PPP6R3: variants seen among roughly 807,000 people sequenced by gnomAD.
The protein encoded by PPP6R3 is serine/threonine-protein phosphatase 6 regulatory subunit 3.
Under a neutral mutation model 110.7 loss-of-function variants are expected in PPP6R3, and 38 were observed. That is an observed-to-expected ratio of 0.34 (90% confidence interval 0.26 to 0.45). The LOEUF (loss-of-function observed/expected upper bound fraction) is 0.45, where lower values mean the gene tolerates loss of function less well. PPP6R3 is among the 20% of genes least tolerant of loss of function. The probability of loss-of-function intolerance (pLI) is 1.00; values close to 1 mark genes in which losing one functional copy is unlikely to be tolerated. For synonymous variants in PPP6R3, 369 were observed against 373.5 expected (o/e 0.99, Z 0.14); for missense variants, 870 against 1,062.4 (o/e 0.82, Z 2.52).
chr11:68,612,947 A>C, intron 23 of PPP6R3, 119 bp from the exon 24 acceptor site: 2 of 1,517,986 alleles, frequency 1.3e-6, no homozygotes, highest in South Asian at 1.3e-5. Flanking sequence ...TTAAAAACTT[A>C]CTAAGTTCAA....
chr11:68,505,702 GAAC>G (rs2099072371), intron 1 of PPP6R3, among the ~76,000 whole-genome samples: 1 of 152,144 alleles, frequency 6.6e-6, no homozygotes, highest in South Asian at 2.1e-4. Context: ...GAGTGGGGTG[GAAC>G]AACAACAAAA....
rs1025579880 is a variant in PPP6R3 at position 68,519,125 on chromosome 11, A to C, written c.-157-376A>C. ...GGGCATTTAAAGGAAGGAAATTGTAAAATTTTAGTATTTTTTAGTAAAAGT... is the reference window on the plus strand; with the variant it reads ...GGGCATTTAAAGGAAGGAAATTGTACAATTTTAGTATTTTTTAGTAAAAGT... On this transcript the variant is annotated intron_variant, in intron 1 of 23. Coordinates refer to ENST00000393800, the MANE Select transcript of PPP6R3 (RefSeq NM_001164161.2). Among the ~76,000 whole-genome samples the C allele has an allele frequency of 1.2e-4, 18 of 152,310 alleles. No individual in the cohort carries two copies. The South Asian group carries it at 3.7e-3, about 32-fold the overall frequency.
intron 8 of PPP6R3, among the ~76,000 whole-genome samples, chr11:68,561,562 A>G (rs1327381537): frequency 6.6e-6 from 1 of 152,242 alleles, no homozygotes; most frequent in Non-Finnish European, 1.5e-5. Context: ...GATAATATAT[A>G]TCATAACAAA....
intron 1 of PPP6R3, among the ~76,000 whole-genome samples, chr11:68,495,514 C>T (rs1349115438): frequency 6.6e-6 from 1 of 152,150 alleles, no homozygotes; most frequent in Admixed American, 6.6e-5. Context: ...CCCGCTAGAC[C>T]TAGGCAACCA....
chr11:68,609,672 A>G, intron 22 of PPP6R3: 1 of 1,565,742 alleles, frequency 6.4e-7, no homozygotes, highest in East Asian at 2.4e-5. Context: ...GACGCCAGCC[A>G]CATTACATTG....
chr11:68,605,701 C>T (rs1939297361), intron 22 of PPP6R3, among the ~76,000 whole-genome samples: 1 of 152,070 alleles, frequency 6.6e-6, no homozygotes, highest in African/African-American at 2.4e-5. Flanking sequence ...CAGTAAAGAA[C>T]CAGTAGCCAG....
intron 1 of PPP6R3, among the ~76,000 whole-genome samples, chr11:68,494,562 T>C (rs1473688289): frequency 6.6e-6 from 1 of 152,148 alleles, no homozygotes; most frequent in Non-Finnish European, 1.5e-5. Flanking sequence ...GAATACCTTA[T>C]GGATTTTCAT....
intron 2 of PPP6R3, among the ~76,000 whole-genome samples, chr11:68,520,071 C>G (rs951189280): frequency 1.3e-5 from 2 of 152,160 alleles, no homozygotes; most frequent in East Asian, 3.8e-4. Flanking sequence ...CTTTCTGAGT[C>G]CTAATCTCCA....
intron 1 of PPP6R3, among the ~76,000 whole-genome samples, chr11:68,492,541 C>T (rs919862240): frequency 9.2e-5 from 14 of 152,194 alleles, no homozygotes; most frequent in African/African-American, 3.4e-4. Context: ...AGTGCCTCTG[C>T]CTTTTGGCCA....
intron 21 of PPP6R3, among the ~76,000 whole-genome samples, chr11:68,602,951 A>ACAAAG (rs528549867): frequency 8.4e-4 from 128 of 152,320 alleles, no homozygotes; most frequent in Non-Finnish European, 1.5e-3. Context: ...AATTTTTAAA[A>ACAAAG]CAAAGCAAAG....
At chr11:68,511,275 A>C (rs367796134) in intron 1 of PPP6R3, among the ~76,000 whole-genome samples, 4 of 150,848 alleles carry the variant, frequency 2.7e-5, no homozygotes, top group Admixed American at 2.0e-4. Flanking sequence ...CCATGTTGGT[A>C]AGGCTGGTCT....
At chr11:68,569,249 T>C (rs910617684) in intron 10 of PPP6R3, among the ~76,000 whole-genome samples, 14 of 152,180 alleles carry the variant, frequency 9.2e-5, no homozygotes, top group African/African-American at 3.4e-4. Flanking sequence ...GCACGCCATT[T>C]AGGCTCTAAA....
intron 22 of PPP6R3, among the ~76,000 whole-genome samples, chr11:68,607,021 T>C (rs1381738639): frequency 1.3e-5 from 2 of 152,202 alleles, no homozygotes; most frequent in Non-Finnish European, 2.9e-5. Context: ...GGAATGATCT[T>C]AACCCAAGTC....
intron 1 of PPP6R3, among the ~76,000 whole-genome samples, chr11:68,471,400 GGA>G (rs1565229733): frequency 2.6e-5 from 4 of 152,268 alleles, no homozygotes; most frequent in African/African-American, 9.6e-5. Flanking sequence ...CCTAGAAGGT[GGA>G]AGGAGCAGCT....
At chr11:68,587,311 A>G (rs2099581817) in intron 15 of PPP6R3, 2 of 152,872 alleles carry the variant, frequency 1.3e-5, no homozygotes, top group Admixed American at 1.3e-4. Context: ...TTGGATAAAT[A>G]GTCAAACGTT....
chr11:68,478,542 C>T (rs997619823), intron 1 of PPP6R3, among the ~76,000 whole-genome samples: 6 of 150,784 alleles, frequency 4.0e-5, no homozygotes, highest in African/African-American at 1.5e-4. Flanking sequence ...TACTTTCAAG[C>T]TCTTTTGTGG....
chr11:68,517,499 C>T (rs560837934), intron 1 of PPP6R3, among the ~76,000 whole-genome samples: 3 of 152,122 alleles, frequency 2.0e-5, no homozygotes, highest in East Asian at 1.9e-4. Flanking sequence ...ATTTCAAAGC[C>T]GAACAGAGAA....
chr11:68,524,855 C>G (rs1336190482), intron 2 of PPP6R3, among the ~76,000 whole-genome samples: 3 of 152,186 alleles, frequency 2.0e-5, no homozygotes, highest in Non-Finnish European at 2.9e-5. Flanking sequence ...TGAGCTTGTC[C>G]AGAGCTCTTC....
chr11:68,505,430 T>C (rs2099070707), intron 1 of PPP6R3, among the ~76,000 whole-genome samples: 1 of 152,236 alleles, frequency 6.6e-6, no homozygotes, highest in African/African-American at 2.4e-5. Context: ...TCATCTAAGA[T>C]TACAGGCCAT....
Sources: gnomAD v4.1 joint callset for allele counts (sites outside exome capture counted in the v4.1 genomes callset) on GRCh38, gnomAD v4.1.1 for gene constraint, MANE v1.5 for transcripts, NCBI Gene and HGNC (gene_info 2026-07-23, HGNC 2026-07-21) for gene names.